Variants in PGS1 observed in about 807,000 individuals in gnomAD.
The protein encoded by PGS1 is phosphatidylglycerophosphate synthase 1, also known as CDP-diacylglycerol--glycerol-3-phosphate 3-phosphatidyltransferase, mitochondrial.
Under a neutral mutation model 58.3 loss-of-function variants are expected in PGS1, and 44 were observed. The observed-to-expected ratio is 0.75, with a 90% CI of 0.59 to 0.97. The LOEUF (loss-of-function observed/expected upper bound fraction) is 0.97, where lower values mean the gene tolerates loss of function less well. Ranked by LOEUF, PGS1 falls within the 50% of genes least tolerant of loss-of-function variation. PGS1 has a pLI of 0.00. For missense variants in PGS1, 684 were observed against 731.1 expected (o/e 0.94, Z 0.74); for synonymous variants, 330 against 311.0 (o/e 1.06, Z -0.64).
chr17:78,423,267 T>C (rs1281218084), intron 9 of PGS1, among the ~76,000 whole-genome samples: 1 of 152,168 alleles, frequency 6.6e-6, no homozygotes, highest in East Asian at 1.9e-4. Flanking sequence ...TGCCGTGTCC[T>C]GCATCAGCCC....
intron 1 of PGS1, among the ~76,000 whole-genome samples, chr17:78,384,676 A>T (rs1490447314): frequency 6.6e-6 from 1 of 152,102 alleles, no homozygotes; most frequent in Non-Finnish European, 1.5e-5. Context: ...TGGTATGGAG[A>T]GCGCAACTTC....
intron 2 of PGS1, among the ~76,000 whole-genome samples, chr17:78,393,621 A>G (rs1204222538): frequency 1.3e-5 from 2 of 152,180 alleles, no homozygotes; most frequent in African/African-American, 4.8e-5. Context: ...ATATGCATGA[A>G]GAGGCCTTTC....
Position 78,392,610 on chromosome 17 carries a change from C to T in PGS1, c.278C>T (p.Ser93Phe). The change falls in exon 2 of 10, where the codon TCC becomes TTC. Residue 93 changes from serine (S) to phenylalanine (F), a missense_variant. Ser to Phe is a radical substitution (Grantham distance 155). Coordinates refer to ENST00000262764, the MANE Select transcript of PGS1 (RefSeq NM_024419.5). Reference sequence around the variant, plus strand: ...AACCTGGTTCCAGAATTTGGAGTCTCCAGTTCTCACGTTAGGGTGCTTTCT... The same window carrying T: ...AACCTGGTTCCAGAATTTGGAGTCTTCAGTTCTCACGTTAGGGTGCTTTCT... ...IRNLVPEFGV[S>F]SSHVRVLSSP... 6.2e-7 allele frequency: 1 copy of T among 1,614,174 alleles called. No homozygotes were observed. The highest frequency in any genetic ancestry group is 8.5e-7 in the Non-Finnish European group (1 of 1,180,014).
intron 6 of PGS1, among the ~76,000 whole-genome samples, chr17:78,401,502 C>G (rs1350688899): frequency 6.6e-6 from 1 of 152,188 alleles, no homozygotes; most frequent in Non-Finnish European, 1.5e-5. Flanking sequence ...GTGATTCCTG[C>G]GGCTGTGGCT....
At chr17:78,402,054 G>GC (rs1221625142) in intron 6 of PGS1, among the ~76,000 whole-genome samples, 1 of 128,818 alleles carries the variant, frequency 7.8e-6, no homozygotes, top group Non-Finnish European at 1.7e-5. Flanking sequence ...TGTGCGCAGG[G>GC]CCCCCCGGTG....
At chr17:78,409,447 G>T (rs187994286) in intron 7 of PGS1, among the ~76,000 whole-genome samples, 5 of 152,352 alleles carry the variant, frequency 3.3e-5, no homozygotes, top group Admixed American at 3.3e-4. Flanking sequence ...GCCAATTGGC[G>T]TTCTGCCCAA....
At chr17:78,411,660 G>T (rs554637203) in intron 7 of PGS1, among the ~76,000 whole-genome samples, 36 of 152,262 alleles carry the variant, frequency 2.4e-4, no homozygotes, top group African/African-American at 8.7e-4. Context: ...TCATCTGATG[G>T]TTCCTGGAAT....
At chr17:78,423,815 A>C (rs956448686) in intron 9 of PGS1, 4 of 1,481,692 alleles carry the variant, frequency 2.7e-6, no homozygotes, top group Admixed American at 1.9e-5. Flanking sequence ...AACCACCACC[A>C]GTTCCTGTAA....
chr17:78,419,502 C>T lies in PGS1; in HGVS notation c.1552-44C>T, dbSNP rs201388163. ...GGCCAGCCGGCCATGTGGTGTGGTGCTGGAGGGGACTCCTCACTATTCCTG... is the reference window on the plus strand; with the variant it reads ...GGCCAGCCGGCCATGTGGTGTGGTGTTGGAGGGGACTCCTCACTATTCCTG... On this transcript the variant is annotated intron_variant, in intron 8 of 9. Coordinates refer to ENST00000262764, the MANE Select transcript of PGS1 (RefSeq NM_024419.5). 15 of 1,561,354 alleles carry T rather than the reference C, an allele frequency of 9.6e-6. No individual in the cohort carries two copies. The East Asian group carries it at 2.9e-4, about 30-fold the overall frequency.
chr17:78,403,517 T>G (rs751475895), intron 6 of PGS1, 51 bp from the exon 7 acceptor site: 2 of 1,572,402 alleles, frequency 1.3e-6, no homozygotes, highest in Non-Finnish European at 1.7e-6. Context: ...CTGGGCAGAG[T>G]CCAGACCCTC....
chr17:78,419,964 A>AG, intron 9 of PGS1: 3 of 1,182,828 alleles, frequency 2.5e-6, no homozygotes, highest in South Asian at 3.4e-5. Context: ...CTCCCTTCCC[A>AG]GGGGGTCCTG....
intron 9 of PGS1, 182 bp from the exon 10 acceptor site, chr17:78,423,879 G>C (rs763633164): frequency 3.7e-6 from 6 of 1,612,484 alleles, no homozygotes; most frequent in Non-Finnish European, 4.2e-6. Flanking sequence ...CAGCCCCAGG[G>C]AGTGTGGGCT....
intron 9 of PGS1, among the ~76,000 whole-genome samples, chr17:78,423,381 CTGT>C (rs1319555970): frequency 1.3e-5 from 2 of 152,114 alleles, no homozygotes. Flanking sequence ...GTAAAAGGTC[CTGT>C]TGTTTTTGGG....
chr17:78,409,584 G>C (rs911848727), intron 7 of PGS1, among the ~76,000 whole-genome samples: 1 of 152,222 alleles, frequency 6.6e-6, no homozygotes, highest in Non-Finnish European at 1.5e-5. Flanking sequence ...GCTTGCTTCA[G>C]GCTGAGCACA....
intron 6 of PGS1, among the ~76,000 whole-genome samples, chr17:78,403,270 T>C (rs543625961): frequency 7.9e-5 from 12 of 152,000 alleles, no homozygotes; most frequent in Non-Finnish European, 1.3e-4. Context: ...CTGATTTCTC[T>C]CCCTGTCAGT....
intron 1 of PGS1, among the ~76,000 whole-genome samples, chr17:78,389,839 C>T (rs186680234): frequency 7.6e-4 from 115 of 151,928 alleles, no homozygotes; most frequent in African/African-American, 2.3e-3. Context: ...TGGTTTTGAA[C>T]TCCTGACCTC....
At chr17:78,421,290 T>A (rs538608209) in intron 9 of PGS1, 7 of 152,394 alleles carry the variant, frequency 4.6e-5, no homozygotes, top group African/African-American at 1.4e-4. Flanking sequence ...CTTCCTGGGC[T>A]ACAGGGCATG....
Position 78,400,382 on chromosome 17 carries a change from C to CA in PGS1, c.702-282dup, listed in dbSNP as rs35635587. Among the ~76,000 whole-genome samples, 18,359 of 134,366 alleles carry CA rather than the reference C, an allele frequency of 0.14. 1,231 individuals carry two copies. The highest frequency in any genetic ancestry group is 0.25 in the East Asian group (1,171 of 4,716). The allele number at this position is 134,366 out of a possible 152,430, so 88.1% of individuals were successfully genotyped here. ...CCTGGGCGACAGAATGAGATTGTCT[C>CA]AAAAAAAAAAAAAGCCCTGTGTGGT... On this transcript the variant is annotated intron_variant, in intron 5 of 9. Transcript: ENST00000262764. The surrounding 1 kb of genome is among the most constrained non-coding windows in gnomAD (Gnocchi z 4.4).
At position 78,378,729 on chromosome 17, in the gene PGS1, CCTGGCCGCCCAGGG is replaced by C. The variant is rs1370082096; in HGVS notation, c.73_86del (p.Pro25AlafsTer69). On this transcript the variant is annotated frameshift_variant, in exon 1 of 10. Coordinates refer to ENST00000262764, the MANE Select transcript of PGS1 (RefSeq NM_024419.5). LOFTEE classifies it high-confidence loss of function. ...CTGGAGGCGACTGCTGGGCCTCCTG[CCTGGCCGCCCAGGG>C]CTGGCCGCGCTCCTGGGACGCCTGT... 3.3e-6 allele frequency: 5 copies of C among 1,513,956 alleles called. No homozygotes were observed. Among genetic ancestry groups the C allele is most frequent in the Non-Finnish European group, 4.4e-6 (5 of 1,137,560 alleles). The allele number at this position is 1,513,956 out of a possible 1,614,324, so 93.8% of individuals were successfully genotyped here.
Sources: allele counts gnomAD v4.1 joint callset (sites outside exome capture counted in the v4.1 genomes callset), GRCh38; gene constraint gnomAD v4.1.1; non-coding constraint Gnocchi (gnomAD v3.1); transcripts MANE v1.5; gene names NCBI Gene and HGNC (gene_info 2026-07-23, HGNC 2026-07-21).